USH2A: variants seen among roughly 807,000 people sequenced by gnomAD.
USH2A encodes the protein usherin.
In USH2A, 443 loss-of-function variants were observed where a neutral mutation model predicts 538.9. That is an observed-to-expected ratio of 0.82 (90% CI 0.76 to 0.89). The LOEUF (loss-of-function observed/expected upper bound fraction) is 0.89, where lower values mean the gene tolerates loss of function less well. USH2A is among the 40% of genes least tolerant of loss of function. The probability of loss-of-function intolerance (pLI) is 0.00; values close to 1 mark genes in which losing one functional copy is unlikely to be tolerated. For synonymous variants in USH2A, 2,413 were observed against 2,273.5 expected (o/e 1.06, Z -1.75); for missense variants, 6,633 against 6,324.8 (o/e 1.05, Z -1.65).
chr1:215,889,130 T>C (rs1404103981), intron 40 of USH2A, 76 bp from the exon 41 acceptor site: 24 of 1,534,958 alleles, frequency 1.6e-5, no homozygotes, highest in Non-Finnish European at 2.0e-5. Context: ...AAATGAGTGA[T>C]AGCTCTGCTA....
intron 64 of USH2A, among the ~76,000 whole-genome samples, chr1:215,670,700 A>G (rs889352896): frequency 6.6e-6 from 1 of 152,216 alleles, no homozygotes; most frequent in African/African-American, 2.4e-5. Flanking sequence ...TCTTAATGGC[A>G]GAAACCACTT....
chr1:215,874,410 A>G (rs1664706232), intron 43 of USH2A, among the ~76,000 whole-genome samples: 2 of 152,246 alleles, frequency 1.3e-5, no homozygotes, highest in Admixed American at 1.3e-4. Context: ...AGATAATCAT[A>G]AGAGCAAAAA....
chr1:215,636,071 G>A (rs559681282), intron 69 of USH2A, among the ~76,000 whole-genome samples: 2 of 152,296 alleles, frequency 1.3e-5, no homozygotes, highest in East Asian at 3.9e-4. Flanking sequence ...ACAGGCTGGT[G>A]TGGAGATGTG....
At chr1:216,248,171 G>A (rs2036089315) in intron 12 of USH2A, among the ~76,000 whole-genome samples, 2 of 151,952 alleles carry the variant, frequency 1.3e-5, no homozygotes, top group African/African-American at 4.8e-5. Flanking sequence ...TAAACACTAA[G>A]TAAATTCTGT....
intron 32 of USH2A, among the ~76,000 whole-genome samples, chr1:216,023,874 C>T (rs866659395): frequency 6.6e-6 from 1 of 151,804 alleles, no homozygotes; most frequent in Non-Finnish European, 1.5e-5. Flanking sequence ...GATGTATGCA[C>T]ATAGTGAAAA....
In USH2A at chr1:216,072,914, C is replaced by A. The variant is rs756690443; in HGVS notation, c.5832G>T (p.Trp1944Cys). The change falls in exon 29 of 72, where the codon TGG becomes TGT. Residue 1944 changes from tryptophan to cysteine, a missense_variant. Coordinates refer to ENST00000307340, the MANE Select transcript of USH2A (RefSeq NM_206933.4). ...SHEGGSVYSDWSRGRTTGAAP... is the reference protein window; with the variant it reads ...SHEGGSVYSDCSRGRTTGAAP... ...CTGCTCCTGTTGTACGTCCTCGACT[C>A]CAATCACTATATACTGAACCTCCTT... 8 of 1,613,882 alleles carry A rather than the reference C, an allele frequency of 5.0e-6. No homozygotes were observed. The South Asian group carries it at 6.6e-5, about 13-fold the overall frequency.
At chr1:215,947,159 AGCC>A (rs1301263088) in intron 37 of USH2A, among the ~76,000 whole-genome samples, 1 of 151,484 alleles carries the variant, frequency 6.6e-6, no homozygotes, top group Non-Finnish European at 1.5e-5. Context: ...CTCCCACCCC[AGCC>A]TCCTGAGTAG....
chr1:216,145,380 A>G (rs1034927440), intron 21 of USH2A, among the ~76,000 whole-genome samples: 2 of 152,214 alleles, frequency 1.3e-5, no homozygotes, highest in Non-Finnish European at 2.9e-5. Flanking sequence ...AGGGGTAGTC[A>G]TGTGCTAGAT....
intron 3 of USH2A, among the ~76,000 whole-genome samples, chr1:216,412,460 G>A (rs1293233808): frequency 2.6e-5 from 4 of 152,012 alleles, no homozygotes; most frequent in Non-Finnish European, 5.9e-5. Context: ...TTAAGCCATT[G>A]TAGTCTATCG....
At chr1:216,130,384 C>T (rs1282341250) in intron 21 of USH2A, among the ~76,000 whole-genome samples, 1 of 151,594 alleles carries the variant, frequency 6.6e-6, no homozygotes, top group Non-Finnish European at 1.5e-5. Flanking sequence ...AACTTAGCTC[C>T]CACTTTTGAG....
intron 37 of USH2A, among the ~76,000 whole-genome samples, chr1:215,950,744 T>G (rs1199260619): frequency 6.6e-6 from 1 of 152,004 alleles, no homozygotes; most frequent in Non-Finnish European, 1.5e-5. Context: ...ACTCCTGACC[T>G]TGTGATCCAC....
At chr1:216,379,709 T>A (rs1339317876) in intron 3 of USH2A, among the ~76,000 whole-genome samples, 3 of 152,158 alleles carry the variant, frequency 2.0e-5, no homozygotes, top group Admixed American at 6.5e-5. Flanking sequence ...TCCATCTGAA[T>A]CCAACCATTA....
At chr1:215,708,080 GGAA>G (rs1388836632) in intron 61 of USH2A, among the ~76,000 whole-genome samples, 1 of 152,120 alleles carries the variant, frequency 6.6e-6, no homozygotes, top group East Asian at 1.9e-4. Flanking sequence ...GAAGACAGTG[GGAA>G]GAAGGATGTG....
In USH2A at chr1:215,639,221, T is replaced by A. The variant is rs41308423; in HGVS notation, c.14986A>T (p.Ile4996Phe). The change falls in exon 69 of 72, where the codon ATC becomes TTC. Residue 4996 changes from isoleucine to phenylalanine, a missense_variant. By Grantham distance (21) the Ile-to-Phe change is conservative. Coordinates refer to ENST00000307340, the MANE Select transcript of USH2A (RefSeq NM_206933.4). ...TADKTFFFQV[I>F]CTTDEGSVKT... Reference sequence around the variant, plus strand: ...ACACTTCCTTCGTCAGTCGTGCAGATGACCTGGAAAAAGAAGGCTAGACAA... The same window carrying A: ...ACACTTCCTTCGTCAGTCGTGCAGAAGACCTGGAAAAAGAAGGCTAGACAA... 1.2e-5 allele frequency: 20 copies of A among 1,614,008 alleles called. No homozygotes were observed. In the Middle Eastern group the frequency reaches 8.2e-4, roughly 66 times the overall value.
chr1:215,764,948 A>G (rs750871103), intron 56 of USH2A, among the ~76,000 whole-genome samples: 1 of 151,764 alleles, frequency 6.6e-6, no homozygotes, highest in Non-Finnish European at 1.5e-5. Context: ...TTGCATGATT[A>G]TTTGTGTTAG....
In USH2A at chr1:215,899,881, C is replaced by T. The variant is rs76798933; in HGVS notation, c.7594+194G>A. 0.029 allele frequency among the ~76,000 whole-genome samples: 4,421 copies of T among 152,194 alleles called. 240 individuals are homozygous for T. Among genetic ancestry groups the T allele is most frequent in the African/African-American group, 0.1 (4,247 of 41,504 alleles). On this transcript the variant is annotated intron_variant, in intron 40 of 71. Coordinates refer to ENST00000307340, the MANE Select transcript of USH2A (RefSeq NM_206933.4). ...CCTGTCTGTAGGCCTAACCCTCCAACCCTCCAAGACCACATTATTCTTCTT... is the reference window on the plus strand; with the variant it reads ...CCTGTCTGTAGGCCTAACCCTCCAATCCTCCAAGACCACATTATTCTTCTT...
At chr1:215,767,177 A>T (rs535245473) in intron 55 of USH2A, among the ~76,000 whole-genome samples, 1 of 152,074 alleles carries the variant, frequency 6.6e-6, no homozygotes, top group South Asian at 2.1e-4. Context: ...GTCCTTCCTT[A>T]TATTGTGATG....
At position 215,844,364 on chromosome 1, in the gene USH2A, T is replaced by C; in HGVS notation, c.9188A>G (p.Lys3063Arg). 2 of 1,613,842 alleles carry C rather than the reference T, an allele frequency of 1.2e-6. No individual in the cohort carries two copies. The highest frequency in any genetic ancestry group is 1.7e-6 in the Non-Finnish European group (2 of 1,179,882). Reference protein sequence around the residue: ...YSIYVNNKLYKTGMNVPGSFI... With the variant: ...YSIYVNNKLYRTGMNVPGSFI... ...CGACCCAGGCACATTCATTCCAGTC[T>C]TGTAGAGCTTATTATTTACATAGAT... The change falls in exon 46 of 72, where the codon AAG becomes AGG. Residue 3063 changes from lysine to arginine, a missense_variant. Lys to Arg is a conservative substitution (Grantham distance 26, BLOSUM62 2). Coordinates refer to ENST00000307340, the MANE Select transcript of USH2A (RefSeq NM_206933.4).
At chr1:215,642,413 C>T (rs545485227) in intron 67 of USH2A, among the ~76,000 whole-genome samples, 16 of 152,136 alleles carry the variant, frequency 1.1e-4, no homozygotes, top group Admixed American at 3.9e-4. Flanking sequence ...TTGTTATCAT[C>T]GGTACACATT....
Sources: allele counts gnomAD v4.1 joint callset (sites outside exome capture counted in the v4.1 genomes callset), GRCh38; gene constraint gnomAD v4.1.1; transcripts MANE v1.5; gene names NCBI Gene and HGNC (gene_info 2026-07-23, HGNC 2026-07-21).